The following NPFFR1 variants were observed in gnomAD, a reference collection of about 807,000 sequenced individuals.
NPFFR1 encodes the protein G-protein coupled receptor 147.
NPFFR1 carries 17 observed loss-of-function variants against 12.7 expected under a neutral mutation model. That is an observed-to-expected ratio of 1.34 (90% CI 0.92 to 2.01). The LOEUF (loss-of-function observed/expected upper bound fraction) is 2.01. Ranked by LOEUF, NPFFR1 falls within the 30% of genes most tolerant of loss-of-function variation. NPFFR1 has a pLI of 0.00. For missense variants in NPFFR1, 604 were observed against 606.5 expected, an observed-to-expected ratio of 1.00 and a Z score of 0.04; for synonymous variants, 296 against 264.5, an observed-to-expected ratio of 1.12 and a Z score of -1.16.
At chr10:70,265,847 C>T (rs765412800) in intron 2 of NPFFR1, among the ~76,000 whole-genome samples, 5 of 152,184 alleles carry the variant, frequency 3.3e-5, no homozygotes, top group Non-Finnish European at 7.4e-5. Flanking sequence ...TAAGATAATG[C>T]ATGAGAAGTA....
Position 70,279,249 on chromosome 10 carries a change from C to T in NPFFR1, c.7+4421G>A, listed in dbSNP as rs957042147. Among the ~76,000 whole-genome samples the T allele has an allele frequency of 5.3e-5, 8 of 152,056 alleles. No individual in the cohort carries two copies. The South Asian group carries it at 6.2e-4, about 12-fold the overall frequency. ...GCAACCTCCGCCTCCCAGGTTCAAACGATTCTTATGTTTCAGCCTCCCAAG... is the reference window on the plus strand; with the variant it reads ...GCAACCTCCGCCTCCCAGGTTCAAATGATTCTTATGTTTCAGCCTCCCAAG... On this transcript the variant is annotated intron_variant, in intron 1 of 3. Transcript: ENST00000277942.
At chr10:70,266,524 T>C (rs975603719) in intron 1 of NPFFR1, 133 bp from the exon 2 acceptor site, 9 of 687,668 alleles carry the variant, frequency 1.3e-5, no homozygotes, top group Middle Eastern at 6.7e-4. Context: ...CCAGCTCCAG[T>C]TGCAACTTGA....
At chr10:70,268,776 TC>T (rs1840722187) in intron 1 of NPFFR1, among the ~76,000 whole-genome samples, 1 of 152,222 alleles carries the variant, frequency 6.6e-6, no homozygotes, top group Non-Finnish European at 1.5e-5. Flanking sequence ...TCACATCACG[TC>T]TGTCACATTT....
At chr10:70,262,249 G>A (rs1433913251) in intron 2 of NPFFR1, among the ~76,000 whole-genome samples, 3 of 152,106 alleles carry the variant, frequency 2.0e-5, no homozygotes, top group Non-Finnish European at 4.4e-5. Flanking sequence ...TGGTTGGGGA[G>A]GGGGGACCCA....
At chr10:70,268,007 G>T (rs2136802325) in intron 1 of NPFFR1, among the ~76,000 whole-genome samples, 1 of 152,258 alleles carries the variant, frequency 6.6e-6, no homozygotes, top group South Asian at 2.1e-4. Context: ...TTTTAATATG[G>T]TAAATGTCAA....
rs149482111 is a variant in NPFFR1 at position 70,282,487 on chromosome 10, C to T, written c.7+1183G>A. Among the ~76,000 whole-genome samples the T allele has an allele frequency of 3.3e-3, 505 of 152,152 alleles. 1 individual carries two copies. The highest frequency in any genetic ancestry group is 0.011 in the African/African-American group (475 of 41,494). On this transcript the variant is annotated intron_variant, in intron 1 of 3. Coordinates refer to ENST00000277942, the MANE Select transcript of NPFFR1 (RefSeq NM_022146.5). ...TCTTTTGTGTGTGTGCTTTTCATAC[C>T]CTGGCTCATTGGAAAACTACAAGTG...
At chr10:70,270,433 G>A (rs1217642875) in intron 1 of NPFFR1, among the ~76,000 whole-genome samples, 4 of 152,208 alleles carry the variant, frequency 2.6e-5, no homozygotes, top group Non-Finnish European at 4.4e-5. Context: ...TGTGGGTATG[G>A]ATGGGCAGAG....
At chr10:70,256,333 C>T (rs1479950891) in intron 3 of NPFFR1, among the ~76,000 whole-genome samples, 3 of 152,194 alleles carry the variant, frequency 2.0e-5, no homozygotes, top group Non-Finnish European at 4.4e-5. Context: ...CCTCCGGCCT[C>T]GGCCTCCCGA....
At chr10:70,283,132 T>TGTG (rs1554833975) in intron 1 of NPFFR1, among the ~76,000 whole-genome samples, 8 of 149,548 alleles carry the variant, frequency 5.3e-5, no homozygotes, top group African/African-American at 1.5e-4. Context: ...CTCTCTCTTT[T>TGTG]TGTGTGTGTG....
intron 1 of NPFFR1, among the ~76,000 whole-genome samples, chr10:70,271,843 G>T (rs576596740): frequency 6.6e-6 from 1 of 152,130 alleles, no homozygotes; most frequent in South Asian, 2.1e-4. Context: ...CTGGCAGGGC[G>T]CGGTGGCTCA....
intron 3 of NPFFR1, 127 bp downstream of exon 3, chr10:70,260,513 C>A: frequency 1.2e-6 from 1 of 839,632 alleles, no homozygotes. Context: ...CCTTGTGGCT[C>A]AGGATTTAGC....
chr10:70,262,975 T>C (rs1403261003), intron 2 of NPFFR1, among the ~76,000 whole-genome samples: 1 of 152,080 alleles, frequency 6.6e-6, no homozygotes, highest in East Asian at 1.9e-4. Flanking sequence ...CTGGGTAATA[T>C]AGTGAGACTC....
chr10:70,282,781 G>C (rs1840876090), intron 1 of NPFFR1, among the ~76,000 whole-genome samples: 1 of 152,104 alleles, frequency 6.6e-6, no homozygotes, highest in African/African-American at 2.4e-5. Context: ...CGAGCCCTTG[G>C]TTTTCCAGTT....
Position 70,255,925 on chromosome 10 carries a change from A to C in NPFFR1, c.423-98T>G. 1 of 1,332,990 alleles carries C rather than the reference A, an allele frequency of 7.5e-7. No homozygotes were observed. 82.6% of individuals were successfully genotyped at this position (1,332,990 alleles called of 1,614,324 possible). A position where few individuals can be genotyped will look rare whatever the true frequency, so the allele number is the denominator to read the frequency against. ...GCGGGCACCTGACCTTCATCATCGC[A>C]TCTAGGGCGGCGTCGAAGAACAGCT... On this transcript the variant is annotated intron_variant, in intron 3 of 3. Coordinates refer to ENST00000277942, the MANE Select transcript of NPFFR1 (RefSeq NM_022146.5). This position sits in a 1 kb window ranked among gnomAD's most constrained non-coding sequence, Gnocchi z 4.2.
chr10:70,268,220 T>C (rs1236776240), intron 1 of NPFFR1, among the ~76,000 whole-genome samples: 4 of 152,178 alleles, frequency 2.6e-5, no homozygotes, highest in Admixed American at 2.6e-4. Flanking sequence ...TTACTTCCTT[T>C]CATCCATAAA....
Position 70,274,639 on chromosome 10 carries a change from C to T in NPFFR1, c.8-8248G>A, listed in dbSNP as rs999270724. On this transcript the variant is annotated intron_variant, in intron 1 of 3. Coordinates refer to ENST00000277942, the MANE Select transcript of NPFFR1 (RefSeq NM_022146.5). ...CCACCTCTTGGTATTCCAAAGAGAA[C>T]TGGGGAGATCTACTTCATCCCTGTG... Among the ~76,000 whole-genome samples, 19 of 152,130 alleles carry T rather than the reference C, an allele frequency of 1.2e-4. 1 individual carries two copies. Among genetic ancestry groups the T allele is most frequent in the African/African-American group, 1.9e-4 (8 of 41,426 alleles).
In NPFFR1 at chr10:70,254,779, G is replaced by T; in HGVS notation, c.*178C>A. 1.5e-6 allele frequency: 1 copy of T among 663,672 alleles called. No homozygotes were observed. The highest frequency in any genetic ancestry group is 1.9e-5 in the African/African-American group (1 of 52,984). 41.1% of individuals were successfully genotyped at this position (663,672 alleles called of 1,614,324 possible). A position where few individuals can be genotyped will look rare whatever the true frequency, so the allele number is the denominator to read the frequency against. On this transcript the variant is annotated 3_prime_UTR_variant, in exon 4 of 4. Coordinates refer to ENST00000277942, the MANE Select transcript of NPFFR1 (RefSeq NM_022146.5). ...TGGTTCCTTCCCGTCCCCCGCATTT[G>T]CCTCTACTGAGGGTGAAGGCAGCAG...
intron 1 of NPFFR1, among the ~76,000 whole-genome samples, chr10:70,278,830 G>T (rs1261867796): frequency 6.6e-6 from 1 of 152,202 alleles, no homozygotes; most frequent in Non-Finnish European, 1.5e-5. Flanking sequence ...CGTGCACACT[G>T]TGAATAGCTA....
rs1272750962 is a variant in NPFFR1, at chr10:70,253,770, G to A, written c.*1187C>T. 1 of 151,858 alleles carries A rather than the reference G, an allele frequency of 6.6e-6. No homozygotes were observed. Among genetic ancestry groups the A allele is most frequent in the Non-Finnish European group, 1.5e-5 (1 of 68,044 alleles). The allele number at this position is 151,858 out of a possible 1,614,324, so 9.4% of individuals were successfully genotyped here. On this transcript the variant is annotated 3_prime_UTR_variant, in exon 4 of 4. Transcript: ENST00000277942. ...GTCCATTTAAGTGCAAGATGAAGGGGCCTGTGAAAGGACCCTCCAAGGCAA... is the reference window on the plus strand; with the variant it reads ...GTCCATTTAAGTGCAAGATGAAGGGACCTGTGAAAGGACCCTCCAAGGCAA...
Sources: gnomAD v4.1 joint callset for allele counts (sites outside exome capture counted in the v4.1 genomes callset) on GRCh38, gnomAD v4.1.1 for gene constraint, Gnocchi (gnomAD v3.1) non-coding constraint, MANE v1.5 for transcripts, NCBI Gene and HGNC (gene_info 2026-07-23, HGNC 2026-07-21) for gene names.